The following SEMA6D variants were observed in gnomAD, a reference collection of about 807,000 sequenced individuals.
SEMA6D encodes the protein semaphorin 6D, also known as semaphorin-6D.
In SEMA6D, 35 loss-of-function variants were observed where a neutral mutation model predicts 106.6. That is an observed-to-expected ratio of 0.33 (90% CI 0.25 to 0.44). The LOEUF is 0.44. Ranked by LOEUF, SEMA6D falls within the 20% of genes least tolerant of loss-of-function variation. SEMA6D has a pLI of 1.00. For missense variants in SEMA6D, 1,185 were observed against 1,345.9 expected (o/e 0.88, Z 1.87); for synonymous variants, 499 against 487.7 (o/e 1.02, Z -0.31).
rs754250886 is a variant in SEMA6D at position 47,770,979 on chromosome 15, C to A, written c.2416C>A (p.Pro806Thr). 1 of 1,614,100 alleles carries A rather than the reference C, an allele frequency of 6.2e-7. No homozygotes were observed. Among genetic ancestry groups the A allele is most frequent in the Admixed American group, 1.7e-5 (1 of 60,014 alleles). The change falls in exon 19 of 19, where the codon CCT becomes ACT. Residue 806 changes from proline (P) to threonine (T), a missense_variant. Transcript: ENST00000536845. Reference sequence around the variant, plus strand: ...CCATGGAGCTTCAAGGAAAGAAACCCCTCAGTTTTTTCCGTCTAGTCCGCC... The same window carrying A: ...CCATGGAGCTTCAAGGAAAGAAACCACTCAGTTTTTTCCGTCTAGTCCGCC... ...HGHGASRKET[P>T]QFFPSSPPPH...
At chr15:47,737,907 A>G (rs2080542608) in intron 1 of SEMA6D, among the ~76,000 whole-genome samples, 1 of 152,210 alleles carries the variant, frequency 6.6e-6, no homozygotes, top group Non-Finnish European at 1.5e-5. Context: ...CATGTGCAAT[A>G]TATTGATTTC....
intron 1 of SEMA6D, among the ~76,000 whole-genome samples, chr15:47,252,720 C>T (rs2033591673): frequency 6.6e-6 from 1 of 152,158 alleles, no homozygotes; most frequent in East Asian, 1.9e-4. Flanking sequence ...TCACAAATGA[C>T]AGGATTTCAC....
At chr15:47,214,844 G>T (rs1294679796) in intron 1 of SEMA6D, among the ~76,000 whole-genome samples, 1 of 152,124 alleles carries the variant, frequency 6.6e-6, no homozygotes, top group Non-Finnish European at 1.5e-5. Context: ...GTTTATTCTA[G>T]AAAATGGCAG....
intron 3 of SEMA6D, among the ~76,000 whole-genome samples, chr15:47,589,129 T>C (rs1566914391): frequency 6.6e-6 from 1 of 152,190 alleles, no homozygotes; most frequent in Non-Finnish European, 1.5e-5. Context: ...TGAGTGGATA[T>C]GCCGGCTGAG....
intron 1 of SEMA6D, among the ~76,000 whole-genome samples, chr15:47,403,282 G>C (rs978003169): frequency 7.2e-5 from 11 of 152,124 alleles, no homozygotes; most frequent in Admixed American, 7.2e-4. Flanking sequence ...AGAAAAGAAA[G>C]GGCCCACGGA....
intron 1 of SEMA6D, among the ~76,000 whole-genome samples, chr15:47,275,425 A>G (rs1185670460): frequency 2.0e-5 from 3 of 152,138 alleles, no homozygotes. Flanking sequence ...CAAGTTTATC[A>G]GTGCAATTTT....
intron 1 of SEMA6D, among the ~76,000 whole-genome samples, chr15:47,246,781 C>T (rs1487387094): frequency 6.6e-6 from 1 of 152,184 alleles, no homozygotes; most frequent in African/African-American, 2.4e-5. Flanking sequence ...TGCAAAGTTG[C>T]TTTTGCCATT....
chr15:47,714,897 T>C (rs1227201719), upstream of SEMA6D, among the ~76,000 whole-genome samples: 1 of 152,234 alleles, frequency 6.6e-6, no homozygotes, highest in African/African-American at 2.4e-5. Context: ...TGCCAGGCAC[T>C]GTGGTGGGCA....
chr15:47,723,194 T>C (rs1022183723), intron 1 of SEMA6D, among the ~76,000 whole-genome samples: 2 of 152,212 alleles, frequency 1.3e-5, no homozygotes, highest in African/African-American at 4.8e-5. Context: ...AATTACCATC[T>C]TTTTTCTAAT....
chr15:47,254,909 G>GTGTGTGTT (rs2033720832), intron 1 of SEMA6D, among the ~76,000 whole-genome samples: 1 of 151,486 alleles, frequency 6.6e-6, no homozygotes, highest in Admixed American at 6.6e-5. Flanking sequence ...GTGTGTGTGT[G>GTGTGTGTT]TGTGTGTCCT....
chr15:47,563,553 T>A (rs1419778878), intron 3 of SEMA6D, among the ~76,000 whole-genome samples: 1 of 152,210 alleles, frequency 6.6e-6, no homozygotes, highest in Non-Finnish European at 1.5e-5. Context: ...ACTCTCTGAT[T>A]AGATGATCAT....
intron 1 of SEMA6D, among the ~76,000 whole-genome samples, chr15:47,358,295 G>A (rs1333512816): frequency 3.9e-5 from 6 of 152,164 alleles, no homozygotes; most frequent in African/African-American, 1.2e-4. Context: ...GACCCGCTAT[G>A]GATGTCATGA....
chr15:47,220,092 C>G (rs997219881), intron 1 of SEMA6D, among the ~76,000 whole-genome samples: 1 of 152,180 alleles, frequency 6.6e-6, no homozygotes, highest in African/African-American at 2.4e-5. Flanking sequence ...ACTGTCACCT[C>G]CACTATATTC....
rs544717727 is a variant in SEMA6D, at chr15:47,560,967, A to G, written c.-86-39898A>G. On this transcript the variant is annotated intron_variant, in intron 3 of 19. Coordinates refer to the SEMA6D transcript ENST00000558014. ...TGCCAACATCTGCTTTCAGATTTCTATCTTCCAGAACTGTAAGACAATAAA... is the reference window on the plus strand; with the variant it reads ...TGCCAACATCTGCTTTCAGATTTCTGTCTTCCAGAACTGTAAGACAATAAA... Among the ~76,000 whole-genome samples, 5 of 152,064 alleles carry G rather than the reference A, an allele frequency of 3.3e-5. No individual in the cohort carries two copies. The East Asian group carries it at 5.8e-4, about 18-fold the overall frequency.
Position 47,765,018 on chromosome 15 carries a change from C to A in SEMA6D, c.1389C>A (p.Ser463Arg), listed in dbSNP as rs148847985. Residue 463 changes from serine (S) to arginine (R), a missense_variant, in exon 13 of 19, where the codon AGC becomes AGA. Ser to Arg is a moderately radical substitution (Grantham distance 110, BLOSUM62 -1). Transcript: ENST00000536845. ...AKTSPFSLND[S>R]VLLEEIEAYN... ...CCAGTCCTTTCTCTTTGAACGACAGCGTATTACTGGAAGAGATTGAAGCCT... is the reference window on the plus strand; with the variant it reads ...CCAGTCCTTTCTCTTTGAACGACAGAGTATTACTGGAAGAGATTGAAGCCT... 1.2e-6 allele frequency: 2 copies of A among 1,613,810 alleles called. No individual in the cohort carries two copies. The highest frequency in any genetic ancestry group is 1.7e-6 in the Non-Finnish European group (2 of 1,179,816).
At chr15:47,192,896 C>T (rs1894061837) in intron 1 of SEMA6D, among the ~76,000 whole-genome samples, 2 of 152,184 alleles carry the variant, frequency 1.3e-5, no homozygotes. Flanking sequence ...TTCCAGCAGG[C>T]ATTTCTCTTA....
intron 1 of SEMA6D, among the ~76,000 whole-genome samples, chr15:47,227,424 T>TCTTTCTTC (rs1179811749): frequency 1.0e-5 from 1 of 98,762 alleles, no homozygotes; most frequent in Non-Finnish European, 2.0e-5. Flanking sequence ...TCTTTCTCTT[T>TCTTTCTTC]CTTTCTTTCT....
intron 4 of SEMA6D, among the ~76,000 whole-genome samples, chr15:47,605,733 C>T (rs1283960662): frequency 6.6e-6 from 1 of 152,170 alleles, no homozygotes; most frequent in African/African-American, 2.4e-5. Context: ...GGATACAATT[C>T]AGGAACAGCC....
upstream of SEMA6D, among the ~76,000 whole-genome samples, chr15:47,714,245 A>G: frequency 6.6e-6 from 1 of 152,180 alleles, no homozygotes; most frequent in East Asian, 1.9e-4. Flanking sequence ...CAACTAAGTA[A>G]GGGGTAGAAT....
Sources: allele counts gnomAD v4.1 joint callset (sites outside exome capture counted in the v4.1 genomes callset), GRCh38; gene constraint gnomAD v4.1.1; transcripts MANE v1.5; gene names NCBI Gene and HGNC (gene_info 2026-07-23, HGNC 2026-07-21).